The following MAN1C1 variants were observed in gnomAD, a reference collection of about 807,000 sequenced individuals.
The protein encoded by MAN1C1 is mannosidase alpha class 1C member 1, also known as mannosyl-oligosaccharide 1,2-alpha-mannosidase IC.
In MAN1C1, 49 loss-of-function variants were observed where a neutral mutation model predicts 71.5. The ratio of observed to expected loss-of-function variants is 0.69; its 90% confidence interval spans 0.54 to 0.87. MAN1C1 has a LOEUF of 0.87. MAN1C1 is among the 40% of genes least tolerant of loss of function. The pLI is 0.00. For synonymous variants in MAN1C1, 352 were observed against 343.7 expected, an observed-to-expected ratio of 1.02 and a Z score of -0.27; for missense variants, 743 against 835.0, an observed-to-expected ratio of 0.89 and a Z score of 1.36.
chr1:25,698,256 G>T lies in MAN1C1; in HGVS notation c.637+11720G>T, dbSNP rs545685663. ...TCTCCAGTTTGGTACCAGGATAGGG[G>T]TATTAATGGAGAAAGTGTTGACCTA... On this transcript the variant is annotated intron_variant, in intron 2 of 11. Transcript: ENST00000374332. Among the ~76,000 whole-genome samples the T allele has an allele frequency of 3.9e-5, 6 of 152,322 alleles. No homozygotes were observed. The East Asian group carries it at 1.2e-3, about 29-fold the overall frequency.
At chr1:25,695,521 C>G (rs1304046909) in intron 2 of MAN1C1, among the ~76,000 whole-genome samples, 1 of 152,092 alleles carries the variant, frequency 6.6e-6, no homozygotes, top group Non-Finnish European at 1.5e-5. Context: ...CAGAACATTC[C>G]TGGGGCCCAA....
chr1:25,690,718 G>A lies in MAN1C1; in HGVS notation c.637+4182G>A, dbSNP rs146327821. Among the ~76,000 whole-genome samples the A allele has an allele frequency of 4.6e-3, 707 of 152,360 alleles. 2 individuals carry two copies. The highest frequency in any genetic ancestry group is 5.6e-3 in the Non-Finnish European group (381 of 68,030). On this transcript the variant is annotated intron_variant, in intron 2 of 11. Coordinates refer to ENST00000374332, the MANE Select transcript of MAN1C1 (RefSeq NM_020379.4). ...GGTGGAAACTCTGGGTTACTGCTTAGGGGCTGTGGAGTGGGGCAGGGGTCC... is the reference window on the plus strand; with the variant it reads ...GGTGGAAACTCTGGGTTACTGCTTAAGGGCTGTGGAGTGGGGCAGGGGTCC...
chr1:25,726,421 C>T (rs900140576), intron 2 of MAN1C1, among the ~76,000 whole-genome samples: 24 of 152,234 alleles, frequency 1.6e-4, no homozygotes, highest in African/African-American at 5.8e-4. Flanking sequence ...CCCTCTGAGA[C>T]ACACAGCCAC....
In MAN1C1 at chr1:25,746,682, G is replaced by A; in HGVS notation, c.652G>A (p.Ala218Thr). 6.2e-7 allele frequency: 1 copy of A among 1,613,958 alleles called. No homozygotes were observed. Among genetic ancestry groups the A allele is most frequent in the Non-Finnish European group, 8.5e-7 (1 of 1,179,846 alleles). The change falls in exon 3 of 12, where the codon GCA (alanine) becomes ACA (threonine). Residue 218 changes from alanine to threonine, a missense_variant. By Grantham distance (58) the Ala-to-Thr change is moderately conservative. Coordinates refer to ENST00000374332, the MANE Select transcript of MAN1C1 (RefSeq NM_020379.4). This position sits in a 1 kb window ranked among gnomAD's most constrained non-coding sequence, Gnocchi z 4.0. The part of the protein sequence containing the change: ...EGNMFGGLSG[A>T]TVIDSLDTLY... ...TGTGCCTGCAGGAGGCCTCAGCGGGGCAACAGTCATTGACTCCCTCGATAC... is the reference window on the plus strand; with the variant it reads ...TGTGCCTGCAGGAGGCCTCAGCGGGACAACAGTCATTGACTCCCTCGATAC...
At chr1:25,722,569 T>C (rs2046780643) in intron 2 of MAN1C1, among the ~76,000 whole-genome samples, 1 of 152,234 alleles carries the variant, frequency 6.6e-6, no homozygotes, top group Admixed American at 6.5e-5. Context: ...TCCATTTTAT[T>C]TTGTGAATGT....
rs531898302 is a variant in MAN1C1 at position 25,624,264 on chromosome 1, G to A, written c.540+5927G>A. 3.3e-5 allele frequency among the ~76,000 whole-genome samples: 5 copies of A among 152,254 alleles called. No individual in the cohort carries two copies. The East Asian group carries it at 9.6e-4, about 29-fold the overall frequency. ...GGCTGGTCAGTAGCTCAGACAGCAGGGTTTTGGATGTCCTAAATGTAGAGT... is the reference window on the plus strand; with the variant it reads ...GGCTGGTCAGTAGCTCAGACAGCAGAGTTTTGGATGTCCTAAATGTAGAGT... On this transcript the variant is annotated intron_variant, in intron 1 of 11. Coordinates refer to ENST00000374332, the MANE Select transcript of MAN1C1 (RefSeq NM_020379.4).
chr1:25,681,901 G>A (rs776958602), intron 1 of MAN1C1, among the ~76,000 whole-genome samples: 10 of 152,010 alleles, frequency 6.6e-5, no homozygotes, highest in Non-Finnish European at 1.2e-4. Flanking sequence ...ATCCGTAGGA[G>A]CCAAAATGGG....
rs2047138536 is a variant in MAN1C1 at position 25,746,989 on chromosome 1, G to A, written c.753+206G>A. On this transcript the variant is annotated intron_variant, in intron 3 of 11. Transcript: ENST00000374332. The surrounding 1 kb of genome is among the most constrained non-coding windows in gnomAD (Gnocchi z 4.0). ...CCTTGAGGTGGGGACATCCTCCCCA[G>A]TCTAGCATCTTCCCTGGGGAGGGGA... 6.6e-6 allele frequency among the ~76,000 whole-genome samples: 1 copy of A among 152,222 alleles called. No individual in the cohort carries two copies. The highest frequency in any genetic ancestry group is 1.5e-5 in the Non-Finnish European group (1 of 68,032).
At position 25,746,969 on chromosome 1, in the gene MAN1C1, A is replaced by G. The variant is rs1164007355; in HGVS notation, c.753+186A>G. Among the ~76,000 whole-genome samples the G allele has an allele frequency of 6.6e-6, 1 of 152,184 alleles. No individual in the cohort carries two copies. The highest frequency in any genetic ancestry group is 1.9e-4 in the East Asian group (1 of 5,186). Reference sequence around the variant, plus strand: ...GAGTCCCTTCCTTAAGACAGCCTTGAGGTGGGGACATCCTCCCCAGTCTAG... The same window carrying G: ...GAGTCCCTTCCTTAAGACAGCCTTGGGGTGGGGACATCCTCCCCAGTCTAG... On this transcript the variant is annotated intron_variant, in intron 3 of 11. Coordinates refer to ENST00000374332, the MANE Select transcript of MAN1C1 (RefSeq NM_020379.4). This position sits in a 1 kb window ranked among gnomAD's most constrained non-coding sequence, Gnocchi z 4.0.
chr1:25,643,083 G>T (rs1372012994), intron 1 of MAN1C1, among the ~76,000 whole-genome samples: 1 of 152,012 alleles, frequency 6.6e-6, no homozygotes, highest in Non-Finnish European at 1.5e-5. Flanking sequence ...AGACATTTCT[G>T]CATGGGTCCA....
intron 2 of MAN1C1, among the ~76,000 whole-genome samples, chr1:25,713,928 C>A (rs753389265): frequency 6.6e-6 from 1 of 152,190 alleles, no homozygotes; most frequent in Admixed American, 6.5e-5. Context: ...AATCAACCTT[C>A]GTGTTTCCTG....
At chr1:25,747,140 A>G (rs760520575) in intron 3 of MAN1C1, among the ~76,000 whole-genome samples, 3 of 152,104 alleles carry the variant, frequency 2.0e-5, no homozygotes, top group Non-Finnish European at 4.4e-5. Context: ...CAAGTGGGGA[A>G]TGGCTTTGTG....
In MAN1C1 at chr1:25,769,360, TACAC is replaced by T. The variant is rs1311192211; in HGVS notation, c.1142-2294_1142-2291del. ...ACCACACACATTCATTCACCACACA[TACAC>T]ACTCACCCCACACCCCATACATACA... is the stretch of plus-strand genomic sequence containing the variant. On this transcript the variant is annotated intron_variant, in intron 7 of 11. Transcript: ENST00000374332. The surrounding 1 kb of genome is among the most constrained non-coding windows in gnomAD (Gnocchi z 4.8). Among the ~76,000 whole-genome samples, 1 of 144,992 alleles carries T rather than the reference TACAC, an allele frequency of 6.9e-6. No individual in the cohort carries two copies. Among genetic ancestry groups the T allele is most frequent in the Non-Finnish European group, 1.5e-5 (1 of 66,216 alleles).
intron 1 of MAN1C1, among the ~76,000 whole-genome samples, chr1:25,683,484 G>T (rs2046184019): frequency 6.6e-6 from 1 of 152,246 alleles, no homozygotes; most frequent in Non-Finnish European, 1.5e-5. Context: ...ATGTAGCAGT[G>T]AATGGGGGTG....
intron 1 of MAN1C1, among the ~76,000 whole-genome samples, chr1:25,633,881 C>T (rs1196610376): frequency 1.3e-5 from 2 of 152,048 alleles, no homozygotes; most frequent in African/African-American, 2.4e-5. Flanking sequence ...CTGTTTTATG[C>T]TTTCAAGAGG....
At chr1:25,767,710 T>C (rs13375535) in intron 7 of MAN1C1, among the ~76,000 whole-genome samples, 2,227 of 17,892 alleles carry the variant, frequency 0.12, 134 homozygotes, top group African/African-American at 0.32. Context: ...CCCTCACACA[T>C]ACATTACACA....
intron 5 of MAN1C1, among the ~76,000 whole-genome samples, chr1:25,755,895 T>C (rs530704250): frequency 5.3e-5 from 8 of 152,288 alleles, no homozygotes; most frequent in African/African-American, 1.4e-4. Context: ...TGCTGGCCCA[T>C]TGGCTCACAG....
At position 25,746,567 on chromosome 1, in the gene MAN1C1, C is replaced by T. The variant is rs1415652431; in HGVS notation, c.638-101C>T. ...CCTGAGGCCAGCCTTTGCCACCAAG[C>T]CTGCGCTGGCATTGGAGGGGCCCTG... is the stretch of plus-strand genomic sequence containing the variant. On this transcript the variant is annotated intron_variant, in intron 2 of 11. Coordinates refer to ENST00000374332, the MANE Select transcript of MAN1C1 (RefSeq NM_020379.4). This position sits in a 1 kb window ranked among gnomAD's most constrained non-coding sequence, Gnocchi z 4.0. The T allele has an allele frequency of 2.2e-6, 2 of 923,064 alleles. No homozygotes were observed. The highest frequency in any genetic ancestry group is 1.6e-5 in the African/African-American group (1 of 60,806). 57.2% of individuals were successfully genotyped at this position (923,064 alleles called of 1,614,324 possible).
chr1:25,653,462 T>C (rs2045721149), intron 1 of MAN1C1, among the ~76,000 whole-genome samples: 1 of 152,206 alleles, frequency 6.6e-6, no homozygotes, highest in Non-Finnish European at 1.5e-5. Flanking sequence ...CATCTTTTTG[T>C]GTTGTGTTGT....
Sources: gnomAD v4.1 joint callset for allele counts (sites outside exome capture counted in the v4.1 genomes callset) on GRCh38, gnomAD v4.1.1 for gene constraint, Gnocchi (gnomAD v3.1) non-coding constraint, MANE v1.5 for transcripts, NCBI Gene and HGNC (gene_info 2026-07-23, HGNC 2026-07-21) for gene names.